Variants in ZNF609 observed in about 807,000 individuals in gnomAD.
The protein encoded by ZNF609 is zinc finger protein 609.
In ZNF609, 11 loss-of-function variants were observed where a neutral mutation model predicts 109.5. The observed-to-expected ratio is 0.10, with a 90% CI of 0.06 to 0.17. ZNF609 has a LOEUF of 0.17. Ranked by LOEUF, ZNF609 falls within the 10% of genes least tolerant of loss-of-function variation. The pLI is 1.00. For missense variants in ZNF609, 1,559 were observed against 1,772.4 expected, an observed-to-expected ratio of 0.88 and a Z score of 2.16; for synonymous variants, 646 against 662.0, an observed-to-expected ratio of 0.98 and a Z score of 0.37.
intron 3 of ZNF609, among the ~76,000 whole-genome samples, chr15:64,656,302 G>A (rs944929542): frequency 2.0e-4 from 31 of 152,158 alleles, no homozygotes; most frequent in African/African-American, 7.2e-4. Flanking sequence ...GACCTCAAGT[G>A]ATCAGCCTGC....
intron 3 of ZNF609, among the ~76,000 whole-genome samples, chr15:64,652,045 A>G (rs1006142881): frequency 6.6e-6 from 1 of 151,818 alleles, no homozygotes; most frequent in Non-Finnish European, 1.5e-5. Context: ...TCTTTTATTT[A>G]TTTATTTACT....
intron 2 of ZNF609, among the ~76,000 whole-genome samples, chr15:64,576,844 A>G (rs1395305294): frequency 4.0e-5 from 5 of 123,808 alleles, no homozygotes; most frequent in Admixed American, 8.8e-5. Flanking sequence ...AAAAAAAAAA[A>G]GAATGAACTG....
At chr15:64,585,791 A>G (rs564056533) in intron 2 of ZNF609, among the ~76,000 whole-genome samples, 1 of 152,336 alleles carries the variant, frequency 6.6e-6, no homozygotes, top group East Asian at 1.9e-4. Flanking sequence ...AGTGACTCAC[A>G]GAAGGAGACT....
chr15:64,581,259 T>C (rs1047912468), intron 2 of ZNF609, among the ~76,000 whole-genome samples: 7 of 152,070 alleles, frequency 4.6e-5, no homozygotes, highest in Admixed American at 3.9e-4. Context: ...TTCTCAGTAC[T>C]TTACTGAGCG....
At chr15:64,539,311 C>T (rs1281180387) in intron 2 of ZNF609, among the ~76,000 whole-genome samples, 2 of 149,486 alleles carry the variant, frequency 1.3e-5, no homozygotes, top group African/African-American at 4.9e-5. Flanking sequence ...AGGTTCACCC[C>T]ATTCTCCTGC....
intron 2 of ZNF609, chr15:64,593,300 C>G: frequency 7.1e-7 from 1 of 1,417,442 alleles, no homozygotes; most frequent in Non-Finnish European, 9.9e-7. Flanking sequence ...GGGTGCTGCC[C>G]CACGTCCCCC....
Position 64,603,663 on chromosome 15 carries a change from A to T in ZNF609, c.748-19164A>T, listed in dbSNP as rs115250868. Among the ~76,000 whole-genome samples the T allele has an allele frequency of 8.4e-3, 1,284 of 152,044 alleles. 19 individuals are homozygous for T. Among genetic ancestry groups the T allele is most frequent in the African/African-American group, 0.03 (1,235 of 41,446 alleles). On this transcript the variant is annotated intron_variant, in intron 2 of 9. Coordinates refer to ENST00000326648, the MANE Select transcript of ZNF609 (RefSeq NM_015042.2). ...TGTGGCCTCTATTGCACCTGACTAA[A>T]ATAATCAACTCTTTTCTTGTTCCTC...
rs1259998831 is a variant in ZNF609 at position 64,675,661 on chromosome 15, A to C, written c.2807A>C (p.Glu936Ala). ...TKRDEEPESI[E>A]GKVKNDICEE... ...AGGGATGAGGAACCTGAGAGCATAG[A>C]AGGGAAAGTGAAGAACGATATCTGT... The change falls in exon 5 of 10, where the codon GAA becomes GCA. Residue 936 changes from glutamate (E) to alanine (A), a missense_variant. By Grantham distance (107) the Glu-to-Ala change is moderately radical (BLOSUM62 -1). This residue lies in a region of ZNF609 where 1,204 missense variants were observed against 1,314.1 expected (regional missense o/e 0.92). Coordinates refer to ENST00000326648, the MANE Select transcript of ZNF609 (RefSeq NM_015042.2). The C allele has an allele frequency of 3.1e-6, 5 of 1,613,982 alleles. No individual in the cohort carries two copies. The highest frequency in any genetic ancestry group is 4.2e-6 in the Non-Finnish European group (5 of 1,180,032).
Position 64,674,271 on chromosome 15 carries a change from G to T in ZNF609, c.1417G>T (p.Gly473Cys). 1 of 1,614,176 alleles carries T rather than the reference G, an allele frequency of 6.2e-7. No homozygotes were observed. Among genetic ancestry groups the T allele is most frequent in the African/African-American group, 1.3e-5 (1 of 75,032 alleles). ...TACTAATTCCATGGGCTCAGCCACT[G>T]GCCCCCTTCCTGGGACAAAGGTAGA... ...VRTNSMGSAT[G>C]PLPGTKVEPT... The change falls in exon 5 of 10, where the codon GGC becomes TGC. Residue 473 changes from glycine (G) to cysteine (C), a missense_variant. Coordinates refer to ENST00000326648, the MANE Select transcript of ZNF609 (RefSeq NM_015042.2).
At chr15:64,468,009 CT>C (rs796251076) in intron 1 of ZNF609, among the ~76,000 whole-genome samples, 2,473 of 143,094 alleles carry the variant, frequency 0.017, 55 homozygotes, top group African/African-American at 0.056. Flanking sequence ...TACTAGTATG[CT>C]TTTTTTTTTT....
chr15:64,561,072 C>T (rs1894671058), intron 2 of ZNF609, among the ~76,000 whole-genome samples: 1 of 152,154 alleles, frequency 6.6e-6, no homozygotes, highest in South Asian at 2.1e-4. Flanking sequence ...ATATACCACC[C>T]ACATAGGCTT....
intron 3 of ZNF609, among the ~76,000 whole-genome samples, chr15:64,626,242 C>T (rs1895961295): frequency 6.6e-6 from 1 of 152,076 alleles, no homozygotes; most frequent in South Asian, 2.1e-4. Flanking sequence ...GCTTTCTGGT[C>T]ACCCCAGAGG....
chr15:64,609,111 TC>T (rs1895668096), intron 2 of ZNF609, among the ~76,000 whole-genome samples: 1 of 30,418 alleles, frequency 3.3e-5, no homozygotes, highest in African/African-American at 6.1e-5. Context: ...TTTCTTTCTT[TC>T]TTTCTTTCTT....
chr15:64,581,011 A>C (rs544100357), intron 2 of ZNF609, among the ~76,000 whole-genome samples: 21 of 60,546 alleles, frequency 3.5e-4, no homozygotes, highest in African/African-American at 1.3e-3. Context: ...TTGCCCAGAC[A>C]ATTTTATTTT....
At position 64,542,881 on chromosome 15, in the gene ZNF609, G is replaced by A. The variant is rs77104029; in HGVS notation, c.747+42715G>A. Among the ~76,000 whole-genome samples the A allele has an allele frequency of 5.9e-3, 897 of 152,230 alleles. 5 individuals are homozygous for A. The highest frequency in any genetic ancestry group is 0.019 in the African/African-American group (795 of 41,534). The stretch of plus-strand genomic sequence containing the variant: ...TCCATTCTCTACATTGCTGCCAGGT[G>A]ATCTTTCTAAACATTCTGGATTAAA... On this transcript the variant is annotated intron_variant, in intron 2 of 9. Transcript: ENST00000326648.
intron 3 of ZNF609, among the ~76,000 whole-genome samples, chr15:64,641,658 T>A (rs1896260767): frequency 6.6e-6 from 1 of 151,998 alleles, no homozygotes; most frequent in South Asian, 2.1e-4. Flanking sequence ...CACATTTTGC[T>A]GTACATTAGA....
At chr15:64,505,843 T>C (rs78241129) in intron 2 of ZNF609, among the ~76,000 whole-genome samples, 2 of 152,214 alleles carry the variant, frequency 1.3e-5, no homozygotes, top group African/African-American at 4.8e-5. Flanking sequence ...AACTCTTATG[T>C]ATAATTTAGT....
At chr15:64,515,615 T>G (rs1416655247) in intron 2 of ZNF609, among the ~76,000 whole-genome samples, 1 of 151,978 alleles carries the variant, frequency 6.6e-6, no homozygotes, top group Non-Finnish European at 1.5e-5. Flanking sequence ...TAATGTCCCC[T>G]CTGAACCATC....
chr15:64,613,939 G>A (rs1204718761), intron 2 of ZNF609, among the ~76,000 whole-genome samples: 2 of 149,034 alleles, frequency 1.3e-5, no homozygotes, highest in Middle Eastern at 3.3e-3. Flanking sequence ...TCTGATTTTT[G>A]TTTTGAGACA....
Sources: allele counts gnomAD v4.1 joint callset (sites outside exome capture counted in the v4.1 genomes callset), GRCh38; gene constraint gnomAD v4.1.1; regional missense constraint gnomAD v4.1.1; transcripts MANE v1.5; gene names NCBI Gene and HGNC (gene_info 2026-07-23, HGNC 2026-07-21).